PPM1D: variants seen among roughly 807,000 people sequenced by gnomAD.
PPM1D encodes protein phosphatase 1D.
Under a neutral mutation model 58.3 loss-of-function variants are expected in PPM1D, and 52 were observed. The observed-to-expected ratio is 0.89, with a 90% CI of 0.71 to 1.12. PPM1D has a LOEUF of 1.12. Among genes scored for constraint, PPM1D ranks in the 50% most tolerant of loss-of-function variants. PPM1D has a pLI of 0.00. For synonymous variants in PPM1D, 278 were observed against 285.1 expected (o/e 0.98, Z 0.25); for missense variants, 564 against 777.2 (o/e 0.73, Z 3.26).
At chr17:60,633,287 AAAC>A (rs937270337) in intron 2 of PPM1D, among the ~76,000 whole-genome samples, 13 of 152,306 alleles carry the variant, frequency 8.5e-5, no homozygotes, top group South Asian at 2.1e-4. Flanking sequence ...TCCATCTCAA[AAAC>A]AACAACAACA....
At chr17:60,611,281 A>G (rs773058719) in intron 1 of PPM1D, among the ~76,000 whole-genome samples, 44 of 152,196 alleles carry the variant, frequency 2.9e-4, no homozygotes, top group Non-Finnish European at 3.7e-4. Flanking sequence ...TTGGCCTCCT[A>G]AAGTGCTGAC....
At chr17:60,644,902 T>TTAG (rs1491278200) in intron 3 of PPM1D, among the ~76,000 whole-genome samples, 1 of 152,218 alleles carries the variant, frequency 6.6e-6, no homozygotes, top group African/African-American at 2.4e-5. Flanking sequence ...TGTAACAAAC[T>TTAG]GTGTTTAAGA....
At chr17:60,654,303 C>T (rs990352467) in intron 4 of PPM1D, among the ~76,000 whole-genome samples, 1 of 145,596 alleles carries the variant, frequency 6.9e-6, no homozygotes, top group South Asian at 2.2e-4. Context: ...GAGAGTCTCA[C>T]TCTGTCACCC....
chr17:60,614,349 T>G (rs2030535762), intron 1 of PPM1D, among the ~76,000 whole-genome samples: 1 of 152,110 alleles, frequency 6.6e-6, no homozygotes, highest in Non-Finnish European at 1.5e-5. Context: ...TCAAGGTTTG[T>G]AAATGCACCA....
chr17:60,663,439 A>G lies in PPM1D; in HGVS notation c.1705A>G (p.Thr569Ala), dbSNP rs200713699. 4 of 1,614,168 alleles carry G rather than the reference A, an allele frequency of 2.5e-6. No homozygotes were observed. Among genetic ancestry groups the G allele is most frequent in the East Asian group, 4.5e-5 (2 of 44,892 alleles). The change falls in exon 6 of 6, where the codon ACC becomes GCC. Residue 569 changes from threonine (T) to alanine (A), a missense_variant. Thr to Ala is a moderately conservative substitution (Grantham distance 58). Transcript: ENST00000305921. ...TGCTCAGCCTGCAAGTCTCCCCACA[A>G]CCTCACAGCGAAAGAACTCTGTTAA... ...SGAQPASLPT[T>A]SQRKNSVKLT...
rs772538228 is a variant in PPM1D, at chr17:60,600,566, C to G, written c.152C>G (p.Pro51Arg). 5 of 1,552,322 alleles carry G rather than the reference C, an allele frequency of 3.2e-6. No homozygotes were observed. The highest frequency in any genetic ancestry group is 4.4e-6 in the Non-Finnish European group (5 of 1,148,634). ...PRRSLSQPLP[P>R]RPSPAALPGG... ...CGGTCGCTGTCTCAGCCGTTGCCTC[C>G]GCGGCCGTCGCCGGCCGCCCTTCCC... Residue 51 changes from proline to arginine, a missense_variant, in exon 1 of 6, where the codon CCG becomes CGG. Coordinates refer to ENST00000305921, the MANE Select transcript of PPM1D (RefSeq NM_003620.4).
rs780842813 is a variant in PPM1D, at chr17:60,629,758, C to G, written c.702-4095C>G. Among the ~76,000 whole-genome samples, 96 of 152,096 alleles carry G rather than the reference C, an allele frequency of 6.3e-4. 1 individual carries two copies. Among genetic ancestry groups the G allele is most frequent in the Non-Finnish European group, 1.1e-3 (77 of 68,028 alleles). On this transcript the variant is annotated intron_variant, in intron 2 of 5. Transcript: ENST00000305921. ...CTTTTAAAAAATACTTTTCTTGGGG[C>G]CGGGCACAGTGGCTTACGCTTATAA...
rs971287061 is a variant in PPM1D at position 60,600,391 on chromosome 17, C to T, written c.-24C>T. The T allele has an allele frequency of 9.1e-6, 14 of 1,539,306 alleles. No individual in the cohort carries two copies. The highest frequency in any genetic ancestry group is 5.0e-5 in the East Asian group (2 of 40,052). ...CCGGATTCGGCGGGCTGCGTGGGAC[C>T]GGCGGGATCCCGGCCAGCCGGCCAT... On this transcript the variant is annotated 5_prime_UTR_variant, in exon 1 of 6. Coordinates refer to ENST00000305921, the MANE Select transcript of PPM1D (RefSeq NM_003620.4).
At chr17:60,637,158 T>TG (rs1356297019) in intron 3 of PPM1D, among the ~76,000 whole-genome samples, 2 of 151,994 alleles carry the variant, frequency 1.3e-5, no homozygotes, top group African/African-American at 4.8e-5. Flanking sequence ...AGTAAAGACC[T>TG]GTGAGTGTCT....
chr17:60,616,290 A>T (rs1469416440), intron 1 of PPM1D, among the ~76,000 whole-genome samples: 1 of 150,618 alleles, frequency 6.6e-6, no homozygotes, highest in Non-Finnish European at 1.5e-5. Flanking sequence ...TCTGTCTCAA[A>T]AAAAAAAAAA....
chr17:60,647,678 A>G (rs1389772373), intron 3 of PPM1D, among the ~76,000 whole-genome samples: 1 of 152,206 alleles, frequency 6.6e-6, no homozygotes, highest in African/African-American at 2.4e-5. Flanking sequence ...GATGATTATT[A>G]CAGAATTCTG....
chr17:60,624,786 CAAAAAAG>C (rs1171917228), intron 2 of PPM1D, among the ~76,000 whole-genome samples: 1 of 148,202 alleles, frequency 6.7e-6, no homozygotes. Flanking sequence ...AACACCATCT[CAAAAAAG>C]AAAAAAGAAT....
intron 1 of PPM1D, 39 bp from the exon 2 acceptor site, chr17:60,623,482 T>G (rs2030745783): frequency 4.5e-6 from 7 of 1,566,396 alleles, no homozygotes; most frequent in Non-Finnish European, 6.1e-6. Context: ...TATTAATGTT[T>G]ATACTTGCAA....
intron 3 of PPM1D, among the ~76,000 whole-genome samples, chr17:60,639,769 A>C (rs932251131): frequency 5.3e-5 from 8 of 152,202 alleles, no homozygotes; most frequent in African/African-American, 1.9e-4. Flanking sequence ...ACTAATGAAA[A>C]CCTAAAATAA....
intron 1 of PPM1D, among the ~76,000 whole-genome samples, chr17:60,623,198 A>T (rs557269125): frequency 3.3e-5 from 5 of 152,310 alleles, no homozygotes; most frequent in African/African-American, 7.2e-5. Flanking sequence ...GATTCAGATT[A>T]AAAAAACCTC....
At chr17:60,655,180 G>A (rs1049082786) in intron 4 of PPM1D, among the ~76,000 whole-genome samples, 1 of 151,894 alleles carries the variant, frequency 6.6e-6, no homozygotes, top group African/African-American at 2.4e-5. Context: ...CCTTTTCTCT[G>A]GATTTTGTTT....
At chr17:60,655,731 T>C (rs1371731428) in intron 4 of PPM1D, among the ~76,000 whole-genome samples, 2 of 151,632 alleles carry the variant, frequency 1.3e-5, no homozygotes, top group African/African-American at 4.8e-5. Context: ...AAATGGAGTC[T>C]TGCTCTGTTG....
In PPM1D at chr17:60,600,351, G is replaced by C. The variant is rs895465206; in HGVS notation, c.-64G>C. ...ACAATAGTTGGCCGGCGAGCGCCTA[G>C]TGTGTCTCCCGCCGCCGGATTCGGC... On this transcript the variant is annotated 5_prime_UTR_variant, in exon 1 of 6. Coordinates refer to ENST00000305921, the MANE Select transcript of PPM1D (RefSeq NM_003620.4). The C allele has an allele frequency of 3.9e-6, 6 of 1,531,954 alleles. No homozygotes were observed. The highest frequency in any genetic ancestry group is 2.1e-4 in the Middle Eastern group (1 of 4,654). The allele number at this position is 1,531,954 out of a possible 1,614,324, so 94.9% of individuals were successfully genotyped here.
intron 1 of PPM1D, among the ~76,000 whole-genome samples, chr17:60,608,717 C>A (rs1296530166): frequency 6.6e-6 from 1 of 152,000 alleles, no homozygotes; most frequent in African/African-American, 2.4e-5. Flanking sequence ...TGTTTATCAT[C>A]CTCACTATTT....
Sources: gnomAD v4.1 joint callset for allele counts (sites outside exome capture counted in the v4.1 genomes callset) on GRCh38, gnomAD v4.1.1 for gene constraint, MANE v1.5 for transcripts, NCBI Gene and HGNC (gene_info 2026-07-23, HGNC 2026-07-21) for gene names.